PCDH9: variants seen among roughly 807,000 people sequenced by gnomAD.
PCDH9 encodes protocadherin 9, also known as protocadherin-9.
In PCDH9, 24 loss-of-function variants were observed where a neutral mutation model predicts 70.6. The ratio of observed to expected loss-of-function variants is 0.34; its 90% CI spans 0.25 to 0.48. The LOEUF is 0.48. Ranked by LOEUF, PCDH9 falls within the 20% of genes least tolerant of loss-of-function variation. PCDH9 has a pLI of 0.99. For synonymous variants in PCDH9, 562 were observed against 558.5 expected (o/e 1.01, Z -0.09); for missense variants, 1,281 against 1,503.6 (o/e 0.85, Z 2.45).
At chr13:66,472,216 AAAAAAAAAAAAG>A (rs899933230) in intron 4 of PCDH9, among the ~76,000 whole-genome samples, 6 of 148,286 alleles carry the variant, frequency 4.0e-5, no homozygotes, top group East Asian at 4.0e-4. Context: ...CATCTCAAAA[AAAAAAAAAAAAG>A]AAAAAAGAAA....
chr13:66,427,451 GGAA>G (rs1957690576), intron 4 of PCDH9, among the ~76,000 whole-genome samples: 3 of 151,616 alleles, frequency 2.0e-5, no homozygotes, highest in Non-Finnish European at 4.4e-5. Flanking sequence ...GTCATGTGTA[GGAA>G]ACTAAGAGTT....
chr13:66,993,944 CAGAG>C (rs1172001728), intron 2 of PCDH9, among the ~76,000 whole-genome samples: 4 of 151,782 alleles, frequency 2.6e-5, no homozygotes, highest in Admixed American at 6.6e-5. Flanking sequence ...GTTGTTTAAA[CAGAG>C]AGAATTTAAC....
At chr13:66,552,736 T>G (rs1213801642) in intron 4 of PCDH9, among the ~76,000 whole-genome samples, 3 of 152,068 alleles carry the variant, frequency 2.0e-5, no homozygotes, top group African/African-American at 7.2e-5. Context: ...GGTCTGGAGA[T>G]TTAATATTTT....
intron 2 of PCDH9, among the ~76,000 whole-genome samples, chr13:67,147,615 A>G (rs1338687389): frequency 6.6e-6 from 1 of 152,188 alleles, no homozygotes; most frequent in East Asian, 1.9e-4. Context: ...TTTTTTGAAA[A>G]ACCAGAAGAA....
intron 4 of PCDH9, among the ~76,000 whole-genome samples, chr13:66,325,673 A>G (rs981527748): frequency 2.0e-5 from 3 of 152,050 alleles, no homozygotes; most frequent in Non-Finnish European, 2.9e-5. Context: ...CATATTTTCT[A>G]TAGGGTCGCT....
At chr13:66,673,730 C>A (rs550826839) in intron 3 of PCDH9, among the ~76,000 whole-genome samples, 4 of 152,190 alleles carry the variant, frequency 2.6e-5, no homozygotes, top group Admixed American at 2.6e-4. Flanking sequence ...GTACTTCTGG[C>A]AAAGAAACAC....
intron 4 of PCDH9, among the ~76,000 whole-genome samples, chr13:66,495,169 G>A (rs1002118739): frequency 1.3e-5 from 2 of 152,080 alleles, no homozygotes; most frequent in African/African-American, 4.8e-5. Flanking sequence ...ATAATTAAAA[G>A]TAAGTACAAA....
At chr13:66,488,436 A>G (rs1328455300) in intron 4 of PCDH9, among the ~76,000 whole-genome samples, 1 of 152,232 alleles carries the variant, frequency 6.6e-6, no homozygotes, top group Non-Finnish European at 1.5e-5. Flanking sequence ...GGTATTACAA[A>G]GCCCAGGGAA....
intron 4 of PCDH9, among the ~76,000 whole-genome samples, chr13:66,350,093 A>G (rs1458861258): frequency 6.6e-6 from 1 of 152,072 alleles, no homozygotes; most frequent in East Asian, 1.9e-4. Flanking sequence ...TTCACAGGAC[A>G]CTTGATCTAC....
chr13:67,111,772 T>C (rs964817932), intron 2 of PCDH9, among the ~76,000 whole-genome samples: 8 of 152,186 alleles, frequency 5.3e-5, no homozygotes, highest in Non-Finnish European at 8.8e-5. Flanking sequence ...GTAAATGTAA[T>C]TAATAGCTAC....
chr13:67,135,980 C>A (rs1282922303), intron 2 of PCDH9, among the ~76,000 whole-genome samples: 1 of 152,078 alleles, frequency 6.6e-6, no homozygotes, highest in Non-Finnish European at 1.5e-5. Flanking sequence ...ACTACTACTA[C>A]TTCCTCCCCA....
At chr13:66,667,858 T>G (rs1477358130) in intron 3 of PCDH9, among the ~76,000 whole-genome samples, 1 of 152,204 alleles carries the variant, frequency 6.6e-6, no homozygotes, top group Non-Finnish European at 1.5e-5. Context: ...AGTATTTGTC[T>G]AAGTAATATT....
rs953401919 is a variant in PCDH9, at chr13:66,773,391, G to A, written c.3138+130113C>T. Among the ~76,000 whole-genome samples, 3 of 152,234 alleles carry A rather than the reference G, an allele frequency of 2.0e-5. No individual in the cohort carries two copies. The East Asian group carries it at 5.8e-4, about 30-fold the overall frequency. On this transcript the variant is annotated intron_variant, in intron 3 of 4. Coordinates refer to ENST00000377865, the MANE Select transcript of PCDH9 (RefSeq NM_203487.3). ...CGCCTGTAATCCCAGTACTTTGGGA[G>A]GCCGGGGCGGGTGGATCGCGAGGTC... is the stretch of plus-strand genomic sequence containing the variant.
At chr13:66,789,840 TTGTC>T (rs1245033983) in intron 3 of PCDH9, among the ~76,000 whole-genome samples, 7 of 152,166 alleles carry the variant, frequency 4.6e-5, no homozygotes, top group African/African-American at 9.7e-5. Flanking sequence ...ATCTAGAACT[TTGTC>T]TGTCATTTAC....
intron 2 of PCDH9, among the ~76,000 whole-genome samples, chr13:67,085,068 T>TTAGAAGC (rs1157001995): frequency 6.9e-6 from 1 of 144,362 alleles, no homozygotes; most frequent in East Asian, 2.0e-4. Context: ...TATTTGCTGA[T>TTAGAAGC]TAGAAGCTAC....
At chr13:66,664,337 G>A (rs1217024504) in intron 3 of PCDH9, among the ~76,000 whole-genome samples, 1 of 152,124 alleles carries the variant, frequency 6.6e-6, no homozygotes, top group South Asian at 2.1e-4. Context: ...GTTAAGAGAG[G>A]ATTAATAGTA....
intron 2 of PCDH9, among the ~76,000 whole-genome samples, chr13:67,177,574 C>A (rs543012785): frequency 8.3e-4 from 126 of 152,188 alleles, no homozygotes; most frequent in Non-Finnish European, 1.5e-3. Context: ...CATTCCTCTG[C>A]CCATCTCTGA....
chr13:66,721,246 G>T (rs2078937931), intron 3 of PCDH9, among the ~76,000 whole-genome samples: 1 of 152,164 alleles, frequency 6.6e-6, no homozygotes, highest in African/African-American at 2.4e-5. Context: ...TCCATTTCCT[G>T]AAGTGAGGTC....
intron 2 of PCDH9, among the ~76,000 whole-genome samples, chr13:67,149,526 T>A (rs2087606654): frequency 6.6e-6 from 1 of 151,914 alleles, no homozygotes; most frequent in African/African-American, 2.4e-5. Context: ...GAAACAAATC[T>A]GAACAAAACA....
Sources: gnomAD v4.1 joint callset for allele counts (sites outside exome capture counted in the v4.1 genomes callset) on GRCh38, gnomAD v4.1.1 for gene constraint, MANE v1.5 for transcripts, NCBI Gene and HGNC (gene_info 2026-07-23, HGNC 2026-07-21) for gene names.